The following RORA variants were observed in gnomAD, a reference collection of about 807,000 sequenced individuals.
RORA encodes the protein nuclear receptor ROR-alpha.
In RORA, 7 loss-of-function variants were observed where a neutral mutation model predicts 69.5. That is an observed-to-expected ratio of 0.10 (90% CI 0.06 to 0.19). The LOEUF is 0.19. Ranked by LOEUF, RORA falls within the 10% of genes least tolerant of loss-of-function variation. The probability of loss-of-function intolerance (pLI) is 1.00; values close to 1 mark genes in which losing one functional copy is unlikely to be tolerated. For synonymous variants in RORA, 261 were observed against 240.8 expected (o/e 1.08, Z -0.78); for missense variants, 457 against 663.0 (o/e 0.69, Z 3.41).
At chr15:61,176,288 A>C (rs1363477611) in intron 1 of RORA, 1 of 152,184 alleles carries the variant, frequency 6.6e-6, no homozygotes, top group Non-Finnish European at 1.5e-5. Flanking sequence ...ACTGTCATTT[A>C]AGTAACAAAC....
chr15:60,652,164 G>GA (rs2140699692), intron 2 of RORA, among the ~76,000 whole-genome samples: 1 of 151,756 alleles, frequency 6.6e-6, no homozygotes, highest in South Asian at 2.1e-4. Context: ...GAAAGAACAA[G>GA]AGACGTGCAG....
At chr15:60,809,437 C>T (rs1360411186) in intron 1 of RORA, among the ~76,000 whole-genome samples, 3 of 152,206 alleles carry the variant, frequency 2.0e-5, no homozygotes, top group Middle Eastern at 3.2e-3. Context: ...AGTCCCTGCC[C>T]ATATTTCTTA....
intron 1 of RORA, among the ~76,000 whole-genome samples, chr15:61,177,780 G>A (rs2079643770): frequency 1.3e-5 from 2 of 152,022 alleles, no homozygotes; most frequent in Non-Finnish European, 2.9e-5. Context: ...GATCAAGATG[G>A]TGAGATCTCG....
intron 1 of RORA, among the ~76,000 whole-genome samples, chr15:60,763,734 G>A (rs1414286452): frequency 6.6e-6 from 1 of 152,156 alleles, no homozygotes; most frequent in Non-Finnish European, 1.5e-5. Flanking sequence ...GCCCATTCAG[G>A]AGCCCCTCGG....
chr15:60,935,637 AT>A (rs2140318187), intron 1 of RORA, among the ~76,000 whole-genome samples: 1 of 152,312 alleles, frequency 6.6e-6, no homozygotes, highest in African/African-American at 2.4e-5. Flanking sequence ...TCCATTACTT[AT>A]TTATGTTTCC....
At chr15:60,937,452 G>A (rs976236113) in intron 1 of RORA, among the ~76,000 whole-genome samples, 1 of 152,192 alleles carries the variant, frequency 6.6e-6, no homozygotes, top group African/African-American at 2.4e-5. Flanking sequence ...TATGCCAAGA[G>A]TTACCAAACA....
chr15:60,507,792 G>A (rs1398373248), intron 5 of RORA, among the ~76,000 whole-genome samples: 1 of 152,202 alleles, frequency 6.6e-6, no homozygotes, highest in African/African-American at 2.4e-5. Flanking sequence ...AGTAGGGGGG[G>A]ATGCTGTGGA....
intron 1 of RORA, among the ~76,000 whole-genome samples, chr15:60,910,246 T>A (rs1891665260): frequency 6.6e-6 from 1 of 152,188 alleles, no homozygotes; most frequent in African/African-American, 2.4e-5. Flanking sequence ...GAAGGGGAAA[T>A]GTCAATGTTG....
intron 2 of RORA, among the ~76,000 whole-genome samples, chr15:60,560,762 A>C (rs2067515357): frequency 6.6e-6 from 1 of 152,212 alleles, no homozygotes; most frequent in Non-Finnish European, 1.5e-5. Context: ...CTGCCTGGGC[A>C]ATTTGTCCAT....
chr15:61,157,073 G>C (rs1482116578), intron 1 of RORA, among the ~76,000 whole-genome samples: 2 of 152,148 alleles, frequency 1.3e-5, no homozygotes, highest in African/African-American at 4.8e-5. Flanking sequence ...GGTACATGTA[G>C]TAAATCTGAA....
intron 1 of RORA, among the ~76,000 whole-genome samples, chr15:60,924,813 T>A (rs1280124829): frequency 6.6e-6 from 1 of 152,178 alleles, no homozygotes; most frequent in Non-Finnish European, 1.5e-5. Context: ...GCACAGTGGC[T>A]CATGCCTGTA....
chr15:60,646,555 G>T (rs371522508), intron 2 of RORA, among the ~76,000 whole-genome samples: 8 of 152,346 alleles, frequency 5.3e-5, no homozygotes, highest in Non-Finnish European at 5.9e-5. Flanking sequence ...AAAAGTGAAT[G>T]CACTGCTTCA....
At chr15:60,812,321 T>A (rs1308630071) in intron 1 of RORA, among the ~76,000 whole-genome samples, 1 of 152,074 alleles carries the variant, frequency 6.6e-6, no homozygotes, top group African/African-American at 2.4e-5. Context: ...CTGAGCAACA[T>A]ACTGAGACCC....
At chr15:61,019,947 CT>C (rs1270730870) in intron 1 of RORA, among the ~76,000 whole-genome samples, 25 of 152,202 alleles carry the variant, frequency 1.6e-4, no homozygotes, top group African/African-American at 6.0e-4. Context: ...GTCCTCTGAC[CT>C]CCGCTCTTCT....
chr15:60,842,383 G>T (rs62006786), intron 1 of RORA, among the ~76,000 whole-genome samples: 31,275 of 151,996 alleles, frequency 0.21, 3,284 homozygotes, highest in Non-Finnish European at 0.23. Flanking sequence ...CTAACTTACT[G>T]TTCAAAGCAT....
intron 1 of RORA, among the ~76,000 whole-genome samples, chr15:61,013,815 G>A (rs1281241901): frequency 1.7e-5 from 2 of 116,494 alleles, no homozygotes; most frequent in African/African-American, 3.3e-5. Context: ...AGGGTGTCTC[G>A]CTCGGTTGCC....
intron 1 of RORA, among the ~76,000 whole-genome samples, chr15:60,816,583 G>C (rs2072818156): frequency 7.0e-6 from 1 of 143,708 alleles, no homozygotes; most frequent in South Asian, 2.2e-4. Context: ...TTTATATACT[G>C]TAAACAGTAT....
chr15:60,891,117 A>G (rs1204909408), intron 1 of RORA, among the ~76,000 whole-genome samples: 1 of 152,226 alleles, frequency 6.6e-6, no homozygotes, highest in Non-Finnish European at 1.5e-5. Flanking sequence ...CTGCCTGCCC[A>G]TTAGAGCCTC....
intron 1 of RORA, among the ~76,000 whole-genome samples, chr15:60,916,885 T>C (rs1891888536): frequency 6.6e-6 from 1 of 152,244 alleles, no homozygotes; most frequent in Non-Finnish European, 1.5e-5. Context: ...TTAGCATACA[T>C]TGCTTATTGC....
Sources: gnomAD v4.1 joint callset for allele counts (sites outside exome capture counted in the v4.1 genomes callset) on GRCh38, gnomAD v4.1.1 for gene constraint, MANE v1.5 for transcripts, NCBI Gene and HGNC (gene_info 2026-07-23, HGNC 2026-07-21) for gene names.